CDH12: variants seen among roughly 807,000 people sequenced by gnomAD.
CDH12 encodes cadherin-12.
CDH12 carries 41 observed loss-of-function variants against 74.1 expected under a neutral mutation model. The ratio of observed to expected loss-of-function variants is 0.55; its 90% CI spans 0.43 to 0.72. CDH12 has a LOEUF of 0.72. Ranked by LOEUF, CDH12 falls within the 30% of genes least tolerant of loss-of-function variation. The pLI is 0.00. For synonymous variants in CDH12, 399 were observed against 355.0 expected (o/e 1.12, Z -1.39); for missense variants, 945 against 977.2 (o/e 0.97, Z 0.44).
At chr5:22,370,934 G>T (rs1741261785) in intron 3 of CDH12, among the ~76,000 whole-genome samples, 1 of 152,130 alleles carries the variant, frequency 6.6e-6, no homozygotes, top group African/African-American at 2.4e-5. Flanking sequence ...ACTGTCTCTT[G>T]CTGAGAAGCA....
chr5:22,777,743 A>T (rs2126335068), intron 1 of CDH12, among the ~76,000 whole-genome samples: 1 of 152,144 alleles, frequency 6.6e-6, no homozygotes, highest in East Asian at 1.9e-4. Context: ...TAGGATGTAA[A>T]AAATTATTTC....
chr5:22,134,506 T>C (rs1580303207), intron 4 of CDH12, among the ~76,000 whole-genome samples: 2 of 151,148 alleles, frequency 1.3e-5, no homozygotes, highest in Non-Finnish European at 3.0e-5. Flanking sequence ...GGTGGTGACA[T>C]TGAATAGATT....
intron 1 of CDH12, among the ~76,000 whole-genome samples, chr5:22,572,233 C>T (rs901558999): frequency 1.1e-4 from 17 of 151,910 alleles, no homozygotes; most frequent in East Asian, 3.9e-4. Context: ...TGAAAGGTAC[C>T]GATAATGTGA....
At chr5:22,700,539 T>A (rs904173378) in intron 1 of CDH12, among the ~76,000 whole-genome samples, 1 of 152,238 alleles carries the variant, frequency 6.6e-6, no homozygotes, top group African/African-American at 2.4e-5. Context: ...GAAATATGTA[T>A]AATAACTTTT....
intron 6 of CDH12, among the ~76,000 whole-genome samples, chr5:21,901,530 T>G (rs1046477821): frequency 4.6e-5 from 7 of 152,228 alleles, no homozygotes; most frequent in African/African-American, 1.4e-4. Context: ...CATCTCAATT[T>G]CCTTTTATTT....
chr5:22,711,682 T>A (rs1237787183), intron 1 of CDH12, among the ~76,000 whole-genome samples: 1 of 152,064 alleles, frequency 6.6e-6, no homozygotes, highest in African/African-American at 2.4e-5. Context: ...ATAGGAAATT[T>A]TTTATTGCTT....
intron 7 of CDH12, among the ~76,000 whole-genome samples, chr5:21,849,595 T>A (rs1579830048): frequency 6.6e-6 from 1 of 151,922 alleles, no homozygotes; most frequent in East Asian, 1.9e-4. Flanking sequence ...TAATGCTTCC[T>A]GGCAACTTAT....
rs576136519 is a variant in CDH12, at chr5:22,135,547, A to G, written c.-186-56685T>C. Among the ~76,000 whole-genome samples, 15 of 152,246 alleles carry G rather than the reference A, an allele frequency of 9.9e-5. No individual in the cohort carries two copies. In the South Asian group the frequency reaches 3.1e-3, roughly 32 times the overall value. On this transcript the variant is annotated intron_variant, in intron 4 of 14. Transcript: ENST00000382254. ...ACTGTTGAAGTCAAAATAGAAATGT[A>G]AAGAGGAATCTCTAAATTTAACATT...
intron 11 of CDH12, among the ~76,000 whole-genome samples, chr5:21,777,574 G>A (rs1745663064): frequency 6.6e-6 from 1 of 150,674 alleles, no homozygotes; most frequent in African/African-American, 2.4e-5. Flanking sequence ...CCAGGCTGGA[G>A]TGCAGTGGCA....
chr5:21,987,314 TG>T (rs1757559028), intron 5 of CDH12, among the ~76,000 whole-genome samples: 1 of 152,136 alleles, frequency 6.6e-6, no homozygotes, highest in Admixed American at 6.5e-5. Context: ...ATTAGTAAAA[TG>T]TAATACATTG....
chr5:22,817,409 G>C (rs1356325079), intron 1 of CDH12, among the ~76,000 whole-genome samples: 2 of 151,854 alleles, frequency 1.3e-5, no homozygotes, highest in African/African-American at 4.8e-5. Flanking sequence ...TCAATAATTT[G>C]ACTTACAAAT....
At chr5:21,802,461 T>C in intron 9 of CDH12, 41 bp from the exon 10 acceptor site, 11 of 1,531,580 alleles carry the variant, frequency 7.2e-6, no homozygotes, top group Middle Eastern at 1.7e-4. Flanking sequence ...TAAATTTATA[T>C]AGAATGTGGC....
intron 1 of CDH12, among the ~76,000 whole-genome samples, chr5:22,583,521 A>G (rs1740210347): frequency 6.6e-6 from 1 of 152,238 alleles, no homozygotes; most frequent in Non-Finnish European, 1.5e-5. Flanking sequence ...ATGAAATAAC[A>G]TAATCCTTTA....
chr5:21,917,240 T>C (rs1470042418), intron 6 of CDH12, among the ~76,000 whole-genome samples: 1 of 152,178 alleles, frequency 6.6e-6, no homozygotes, highest in Non-Finnish European at 1.5e-5. Context: ...GTGGCACCAA[T>C]GGGCTCTGAC....
chr5:22,645,372 T>C (rs1413914087), intron 1 of CDH12, among the ~76,000 whole-genome samples: 1 of 152,086 alleles, frequency 6.6e-6, no homozygotes, highest in Non-Finnish European at 1.5e-5. Context: ...TGGTAGAAAC[T>C]GCAAGAAAAC....
At chr5:21,880,284 G>A (rs1403960305) in intron 6 of CDH12, among the ~76,000 whole-genome samples, 2 of 152,158 alleles carry the variant, frequency 1.3e-5, no homozygotes, top group Non-Finnish European at 2.9e-5. Flanking sequence ...CAACAGTGTT[G>A]CTATCAGTGT....
At chr5:21,836,781 T>C (rs568999547) in intron 8 of CDH12, among the ~76,000 whole-genome samples, 83 of 152,046 alleles carry the variant, frequency 5.5e-4, no homozygotes, top group Non-Finnish European at 7.4e-4. Context: ...TTTTAACAGA[T>C]GGAAATCCTC....
At chr5:22,648,080 C>T (rs1739533989) in intron 1 of CDH12, among the ~76,000 whole-genome samples, 1 of 151,744 alleles carries the variant, frequency 6.6e-6, no homozygotes, top group African/African-American at 2.4e-5. Context: ...TAGAGTGGTT[C>T]TTAATAAGCT....
chr5:21,954,989 T>C (rs1377659410), intron 6 of CDH12, among the ~76,000 whole-genome samples: 1 of 152,102 alleles, frequency 6.6e-6, no homozygotes, highest in Non-Finnish European at 1.5e-5. Flanking sequence ...ACAATGAAAT[T>C]CATGTTATTG....
Sources: allele counts gnomAD v4.1 joint callset (sites outside exome capture counted in the v4.1 genomes callset), GRCh38; gene constraint gnomAD v4.1.1; transcripts MANE v1.5; gene names NCBI Gene and HGNC (gene_info 2026-07-23, HGNC 2026-07-21).